DNAH7: variants seen among roughly 807,000 people sequenced by gnomAD.
DNAH7 encodes dynein axonemal heavy chain 7, also known as axonemal beta dynein heavy chain 7.
A neutral mutation model predicts 444.6 loss-of-function variants in DNAH7; 397 were observed. That is an observed-to-expected ratio of 0.89 (90% CI 0.82 to 0.97). The LOEUF is 0.97. DNAH7 is among the 50% of genes least tolerant of loss of function. The probability of loss-of-function intolerance (pLI) is 0.00; values close to 1 mark genes in which losing one functional copy is unlikely to be tolerated. For missense variants in DNAH7, 4,902 were observed against 4,800.8 expected (o/e 1.02, Z -0.62); for synonymous variants, 1,636 against 1,624.4 (o/e 1.01, Z -0.17).
At chr2:195,890,286 T>C (rs1248988479) in intron 31 of DNAH7, among the ~76,000 whole-genome samples, 1 of 152,220 alleles carries the variant, frequency 6.6e-6, no homozygotes, top group African/African-American at 2.4e-5. Context: ...CCTCTCCTGC[T>C]GTGGGCTTCC....
chr2:195,950,665 G>A (rs963322135), intron 19 of DNAH7, among the ~76,000 whole-genome samples: 1 of 151,688 alleles, frequency 6.6e-6, no homozygotes, highest in Non-Finnish European at 1.5e-5. Flanking sequence ...TGGCTAACAT[G>A]GTGAAACCCC....
intron 2 of DNAH7, among the ~76,000 whole-genome samples, chr2:196,053,399 T>C (rs1424681588): frequency 6.6e-6 from 1 of 152,236 alleles, no homozygotes; most frequent in East Asian, 1.9e-4. Flanking sequence ...TGCCCAAGCA[T>C]AACTAGTAGA....
chr2:195,936,853 TCA>T, intron 19 of DNAH7, 61 bp from the exon 20 acceptor site: 1 of 1,166,042 alleles, frequency 8.6e-7, no homozygotes, highest in Non-Finnish European at 1.2e-6. Flanking sequence ...CTATTTATAT[TCA>T]TATTATATTT....
intron 33 of DNAH7, among the ~76,000 whole-genome samples, chr2:195,887,051 A>ATACAAATAGTTATCAT (rs2125202736): frequency 6.6e-6 from 1 of 152,324 alleles, no homozygotes; most frequent in South Asian, 2.1e-4. Flanking sequence ...CAACACTAAA[A>ATACAAATAGTTATCAT]TACAAATAGT....
At chr2:195,769,043 T>C (rs1247971317) in intron 61 of DNAH7, among the ~76,000 whole-genome samples, 2 of 152,172 alleles carry the variant, frequency 1.3e-5, no homozygotes, top group African/African-American at 2.4e-5. Context: ...CATTGCTACA[T>C]TGGTCACAGA....
rs1171544064 is a variant in DNAH7, at chr2:196,048,335, T to C, written c.211A>G (p.Ser71Gly). ...FHLSVKQDDE[S>G]PEPFSVKNEQ... ...TTTTTAACACTAAATGGTTCTGGAC[T>C]CTCATCATCCTGCTTTACACTCAAA... Residue 71 changes from serine to glycine, a missense_variant, in exon 4 of 65, where the codon AGT (serine) becomes GGT (glycine). Physicochemically the swap from Ser to Gly is moderately conservative, Grantham distance 56. Transcript: ENST00000312428. 1.9e-6 allele frequency: 3 copies of C among 1,613,920 alleles called. No individual in the cohort carries two copies. The Admixed American group carries it at 5.0e-5, about 27-fold the overall frequency.
At chr2:195,955,903 T>C (rs991035261) in intron 19 of DNAH7, among the ~76,000 whole-genome samples, 1 of 152,176 alleles carries the variant, frequency 6.6e-6, no homozygotes, top group Non-Finnish European at 1.5e-5. Context: ...ACTGAATTTA[T>C]GACATAAATT....
Position 195,945,959 on chromosome 2 carries a change from G to C in DNAH7, c.3079-9167C>G, listed in dbSNP as rs569293942. The stretch of plus-strand genomic sequence containing the variant: ...TTCCCATTCCCTGAATCTCAAGAAG[G>C]GGGGCCCAAGAGAGTCCCTAATAAA... On this transcript the variant is annotated intron_variant, in intron 19 of 64. Transcript: ENST00000312428. Among the ~76,000 whole-genome samples the C allele has an allele frequency of 1.1e-3, 168 of 152,238 alleles. 2 individuals are homozygous for C. The highest frequency in any genetic ancestry group is 3.9e-3 in the African/African-American group (160 of 41,554).
At chr2:195,884,077 CAT>C (rs138768000) in intron 35 of DNAH7, among the ~76,000 whole-genome samples, 2,043 of 152,266 alleles carry the variant, frequency 0.013, 47 homozygotes, top group African/African-American at 0.046. Flanking sequence ...ATTTAAATAA[CAT>C]ATATTCCTAA....
chr2:195,887,932 A>G (rs1000687345), intron 33 of DNAH7, among the ~76,000 whole-genome samples: 1 of 150,226 alleles, frequency 6.7e-6, no homozygotes, highest in Non-Finnish European at 1.5e-5. Flanking sequence ...GGCTTATTTT[A>G]GGAACTTTGG....
chr2:196,048,414 A>G lies in DNAH7; in HGVS notation c.142-10T>C. ...GGGGCTTTGTACTCACCTAAAATAC[A>G]AAATTTAAATAGCATTAACAAACAA... On this transcript the variant is annotated splice_polypyrimidine_tract_variant and intron_variant, in intron 3 of 64. Transcript: ENST00000312428. 4 of 1,609,004 alleles carry G rather than the reference A, an allele frequency of 2.5e-6. No individual in the cohort carries two copies. The highest frequency in any genetic ancestry group is 2.2e-5 in the East Asian group (1 of 44,850).
At chr2:196,049,381 C>T (rs1697331654) in intron 3 of DNAH7, among the ~76,000 whole-genome samples, 1 of 152,168 alleles carries the variant, frequency 6.6e-6, no homozygotes, top group Non-Finnish European at 1.5e-5. Flanking sequence ...AGTTTTAAAA[C>T]TCATAGAAGC....
intron 27 of DNAH7, chr2:195,901,459 T>C (rs1574713438): frequency 1.3e-5 from 2 of 152,238 alleles, no homozygotes; most frequent in East Asian, 3.9e-4. Context: ...AATAAATATA[T>C]CATTAGCTTT....
intron 21 of DNAH7, among the ~76,000 whole-genome samples, chr2:195,927,115 G>A (rs1054831217): frequency 3.3e-5 from 5 of 152,060 alleles, no homozygotes; most frequent in African/African-American, 7.2e-5. Context: ...ACAGATGTAC[G>A]ATTCATTCAT....
chr2:195,741,960 T>C (rs1433661989), intron 63 of DNAH7, among the ~76,000 whole-genome samples: 1 of 152,200 alleles, frequency 6.6e-6, no homozygotes, highest in Non-Finnish European at 1.5e-5. Flanking sequence ...TGGCCACATG[T>C]GGATAATTTA....
intron 58 of DNAH7, among the ~76,000 whole-genome samples, chr2:195,780,450 A>T (rs186173666): frequency 6.6e-6 from 1 of 152,246 alleles, no homozygotes; most frequent in Admixed American, 6.5e-5. Flanking sequence ...AGCAATATTT[A>T]AAAATATTTT....
Position 195,950,480 on chromosome 2 carries a change from G to A in DNAH7, c.3078+6781C>T, listed in dbSNP as rs544104318. On this transcript the variant is annotated intron_variant, in intron 19 of 64. Transcript: ENST00000312428. ...TCCCCTTTATCATTTTTTTTATTGT[G>A]TCTATTTGATTCTTCTCTCTTTTCT... Among the ~76,000 whole-genome samples, 67 of 151,878 alleles carry A rather than the reference G, an allele frequency of 4.4e-4. 2 individuals are homozygous for A. The South Asian group carries it at 8.7e-3, about 20-fold the overall frequency.
Position 196,024,418 on chromosome 2 carries a change from TG to T in DNAH7, c.743+10del. ...CATAATCAACATTCTTAGAGAAATC[TG>T]ATCACTTACTCAGCACGATGGGCTG... On this transcript the variant is annotated intron_variant, in intron 8 of 64. Coordinates refer to ENST00000312428, the MANE Select transcript of DNAH7 (RefSeq NM_018897.3). 1.3e-6 allele frequency: 2 copies of T among 1,550,020 alleles called. No individual in the cohort carries two copies. Among genetic ancestry groups the T allele is most frequent in the African/African-American group, 1.4e-5 (1 of 71,898 alleles).
At chr2:195,961,517 T>G (rs1288204147) in intron 17 of DNAH7, among the ~76,000 whole-genome samples, 1 of 150,458 alleles carries the variant, frequency 6.6e-6, no homozygotes, top group African/African-American at 2.4e-5. Context: ...CCTGGAATAT[T>G]TGACTTAACA....
Sources: gnomAD v4.1 joint callset for allele counts (sites outside exome capture counted in the v4.1 genomes callset) on GRCh38, gnomAD v4.1.1 for gene constraint, MANE v1.5 for transcripts, NCBI Gene and HGNC (gene_info 2026-07-23, HGNC 2026-07-21) for gene names.